PRELID2: variants seen among roughly 807,000 people sequenced by gnomAD.
PRELID2 encodes the protein PRELI domain containing 2.
A neutral mutation model predicts 28.4 loss-of-function variants in PRELID2; 25 were observed. The ratio of observed to expected loss-of-function variants is 0.88; its 90% confidence interval spans 0.64 to 1.23. The LOEUF (loss-of-function observed/expected upper bound fraction) is 1.23. Among genes scored for constraint, PRELID2 ranks in the 50% most tolerant of loss-of-function variants. The probability of loss-of-function intolerance (pLI) is 0.00; values close to 1 mark genes in which losing one functional copy is unlikely to be tolerated. For synonymous variants in PRELID2, 76 were observed against 71.6 expected (o/e 1.06, Z -0.31); for missense variants, 201 against 214.4 (o/e 0.94, Z 0.39).
chr5:145,536,010 T>C (rs1181545688), intron 1 of PRELID2, among the ~76,000 whole-genome samples: 1 of 151,938 alleles, frequency 6.6e-6, no homozygotes, highest in Non-Finnish European at 1.5e-5. Context: ...TTACATCTAA[T>C]CAAGGTTAGT....
the PRELID2 span, among the ~76,000 whole-genome samples, chr5:145,323,530 T>C: frequency 1.4e-4 from 21 of 152,126 alleles, no homozygotes; most frequent in African/African-American, 5.1e-4. Context: ...AAATTGCATG[T>C]TGTGGGGGGT....
At chr5:145,289,746 T>C in the PRELID2 span, among the ~76,000 whole-genome samples, 1 of 152,184 alleles carries the variant, frequency 6.6e-6, no homozygotes, top group African/African-American at 2.4e-5. Flanking sequence ...TTGTTCCACA[T>C]CTTCACCAGA....
At chr5:145,425,523 A>T in the PRELID2 span, among the ~76,000 whole-genome samples, 6 of 152,350 alleles carry the variant, frequency 3.9e-5, no homozygotes, top group South Asian at 1.0e-3. Context: ...CATCAATGAT[A>T]GACTGAATAC....
chr5:145,686,908 T>C (rs1361856305), intron 1 of PRELID2, among the ~76,000 whole-genome samples: 3 of 152,240 alleles, frequency 2.0e-5, no homozygotes, highest in African/African-American at 7.2e-5. Context: ...AAATGCATCA[T>C]AATAGAACTG....
the PRELID2 span, among the ~76,000 whole-genome samples, chr5:145,447,439 CT>C: frequency 2.0e-4 from 27 of 136,502 alleles, no homozygotes; most frequent in South Asian, 1.2e-3. Context: ...GAAATCTTTT[CT>C]TTTTTTTTTG....
chr5:145,264,994 AG>A, the PRELID2 span, among the ~76,000 whole-genome samples: 8 of 145,500 alleles, frequency 5.5e-5, no homozygotes, highest in Non-Finnish European at 1.0e-4. Flanking sequence ...AAAAAAAAAA[AG>A]GTAAAGAGTA....
intron 1 of PRELID2, among the ~76,000 whole-genome samples, chr5:145,576,365 T>C (rs1021731113): frequency 2.6e-5 from 4 of 152,174 alleles, no homozygotes; most frequent in Non-Finnish European, 4.4e-5. Flanking sequence ...AATGGACTCA[T>C]ACAACATGCG....
At chr5:145,574,034 A>C (rs11955724) in intron 1 of PRELID2, among the ~76,000 whole-genome samples, 5,341 of 152,292 alleles carry the variant, frequency 0.035, 288 homozygotes, top group African/African-American at 0.12. Context: ...TAATGTTATT[A>C]ATCAGCTGAC....
At chr5:145,231,445 GGA>G in the PRELID2 span, among the ~76,000 whole-genome samples, 10 of 152,102 alleles carry the variant, frequency 6.6e-5, no homozygotes, top group African/African-American at 2.2e-4. Flanking sequence ...CTACACTGAG[GGA>G]GAGAGTCAGG....
At chr5:145,415,619 T>TGCTGCATAGTA in the PRELID2 span, among the ~76,000 whole-genome samples, 1 of 150,982 alleles carries the variant, frequency 6.6e-6, no homozygotes, top group East Asian at 1.9e-4. Flanking sequence ...CTCATCATTT[T>TGCTGCATAGTA]TTATGGCTGC....
At chr5:145,646,786 G>A (rs911453642) in intron 1 of PRELID2, among the ~76,000 whole-genome samples, 6 of 152,188 alleles carry the variant, frequency 3.9e-5, no homozygotes, top group Non-Finnish European at 7.3e-5. Context: ...TCTGCCGCAG[G>A]TCTGCTGGAG....
At chr5:145,370,194 G>A in the PRELID2 span, among the ~76,000 whole-genome samples, 15 of 152,072 alleles carry the variant, frequency 9.9e-5, no homozygotes, top group African/African-American at 2.2e-4. Context: ...AAGCCTTTGC[G>A]CATGCCTATG....
At chr5:145,611,458 C>T (rs1753615680) in intron 1 of PRELID2, among the ~76,000 whole-genome samples, 1 of 152,156 alleles carries the variant, frequency 6.6e-6, no homozygotes, top group Admixed American at 6.5e-5. Flanking sequence ...GCCACCACAA[C>T]CAGCCTCAAA....
At chr5:145,413,783 G>A in the PRELID2 span, among the ~76,000 whole-genome samples, 1 of 151,820 alleles carries the variant, frequency 6.6e-6, no homozygotes, top group African/African-American at 2.4e-5. Flanking sequence ...ATACATAAAT[G>A]AGATCATGCA....
chr5:145,401,006 C>T, the PRELID2 span, among the ~76,000 whole-genome samples: 1 of 152,070 alleles, frequency 6.6e-6, no homozygotes, highest in Non-Finnish European at 1.5e-5. Flanking sequence ...GACAGCCTCC[C>T]TCCCACCACT....
intron 5 of PRELID2, among the ~76,000 whole-genome samples, chr5:145,790,457 G>A (rs1030530791): frequency 6.6e-6 from 1 of 152,042 alleles, no homozygotes; most frequent in Admixed American, 6.6e-5. Context: ...GAGTAGAATG[G>A]TGGTTATCTG....
chr5:145,445,965 A>G, the PRELID2 span, among the ~76,000 whole-genome samples: 2 of 152,148 alleles, frequency 1.3e-5, no homozygotes, highest in East Asian at 3.9e-4. Context: ...AGAGGATACT[A>G]GAAGCTGAGA....
the PRELID2 span, among the ~76,000 whole-genome samples, chr5:145,311,770 A>G: frequency 6.6e-6 from 1 of 152,160 alleles, no homozygotes; most frequent in Non-Finnish European, 1.5e-5. Flanking sequence ...TGAACACAGA[A>G]AGATGTGCCA....
chr5:145,273,542 G>T, the PRELID2 span, among the ~76,000 whole-genome samples: 1 of 152,126 alleles, frequency 6.6e-6, no homozygotes, highest in Non-Finnish European at 1.5e-5. Context: ...AAGGAGGATT[G>T]GGTGTGACTC....
Sources: allele counts gnomAD v4.1 joint callset (sites outside exome capture counted in the v4.1 genomes callset), GRCh38; gene constraint gnomAD v4.1.1; transcripts MANE v1.5; gene names NCBI Gene and HGNC (gene_info 2026-07-23, HGNC 2026-07-21).